TENM2: variants seen among roughly 807,000 people sequenced by gnomAD.
TENM2 encodes the protein teneurin-2.
In TENM2, 52 loss-of-function variants were observed where a neutral mutation model predicts 245.2. The ratio of observed to expected loss-of-function variants is 0.21; its 90% confidence interval spans 0.17 to 0.27. The LOEUF (loss-of-function observed/expected upper bound fraction) is 0.27, where lower values mean the gene tolerates loss of function less well. Ranked by LOEUF, TENM2 falls within the 10% of genes least tolerant of loss-of-function variation. TENM2 has a pLI of 1.00. For synonymous variants in TENM2, 1,363 were observed against 1,438.9 expected (o/e 0.95, Z 1.19); for missense variants, 3,046 against 3,666.8 (o/e 0.83, Z 4.37).
chr5:167,694,849 A>G (rs1383468398), intron 2 of TENM2, among the ~76,000 whole-genome samples: 1 of 152,212 alleles, frequency 6.6e-6, no homozygotes, highest in Non-Finnish European at 1.5e-5. Context: ...GCAGAAAAAA[A>G]AATTGTCATC....
intron 2 of TENM2, among the ~76,000 whole-genome samples, chr5:167,864,923 C>T (rs559207020): frequency 6.6e-6 from 1 of 152,294 alleles, no homozygotes; most frequent in South Asian, 2.1e-4. Context: ...AAGAAGTGAA[C>T]ATAAAAATGA....
intron 3 of TENM2, among the ~76,000 whole-genome samples, chr5:167,903,979 T>C (rs1156911138): frequency 6.6e-6 from 1 of 152,120 alleles, no homozygotes; most frequent in Non-Finnish European, 1.5e-5. Flanking sequence ...AGAATTGAAA[T>C]GGGGGACTAG....
At chr5:167,879,594 C>A (rs1327975583) in intron 3 of TENM2, among the ~76,000 whole-genome samples, 1 of 152,168 alleles carries the variant, frequency 6.6e-6, no homozygotes, top group Non-Finnish European at 1.5e-5. Flanking sequence ...TTGCTCTCAG[C>A]ATATGATGCA....
At chr5:167,487,175 G>T (rs1768126703) in intron 2 of TENM2, among the ~76,000 whole-genome samples, 1 of 152,150 alleles carries the variant, frequency 6.6e-6, no homozygotes, top group Non-Finnish European at 1.5e-5. Flanking sequence ...GTTATCTTTG[G>T]TTTGGGGCCT....
chr5:166,989,252 CTTTTTTTTTTTTTTTTTT>C, the TENM2 span, among the ~76,000 whole-genome samples: 1 of 56,960 alleles, frequency 1.8e-5, no homozygotes, highest in Non-Finnish European at 2.9e-5. Flanking sequence ...CCAAGCTAAT[CTTTTTTTTTTTTTTTTTT>C]TTTTTTTTGA....
chr5:166,993,473 T>C, the TENM2 span, among the ~76,000 whole-genome samples: 1 of 152,164 alleles, frequency 6.6e-6, no homozygotes, highest in Non-Finnish European at 1.5e-5. Flanking sequence ...TGAACAATTC[T>C]AGAGCCAGGA....
intron 12 of TENM2, among the ~76,000 whole-genome samples, chr5:168,154,068 C>A (rs143866094): frequency 6.9e-6 from 1 of 143,904 alleles, no homozygotes; most frequent in African/African-American, 2.6e-5. Context: ...GAGTAACTGA[C>A]GTGGGATTTC....
intron 2 of TENM2, among the ~76,000 whole-genome samples, chr5:167,417,048 C>A (rs1364886117): frequency 2.0e-5 from 3 of 152,106 alleles, no homozygotes; most frequent in Admixed American, 2.0e-4. Flanking sequence ...GTCTTAGGAT[C>A]TTATTTTATG....
chr5:167,929,061 G>GAAAGAAAGAAAGA (rs1778015952), intron 3 of TENM2, among the ~76,000 whole-genome samples: 7 of 6,260 alleles, frequency 1.1e-3, no homozygotes, highest in African/African-American at 2.4e-3. Context: ...AAGAAAGAGA[G>GAAAGAAAGAAAGA]AAAGAAAGAA....
chr5:168,088,593 G>C (rs941144336), intron 7 of TENM2, among the ~76,000 whole-genome samples: 1 of 152,146 alleles, frequency 6.6e-6, no homozygotes, highest in African/African-American at 2.4e-5. Context: ...TAATAAAATG[G>C]TTGTTATCTT....
At chr5:167,413,059 A>G (rs924313738) in intron 2 of TENM2, among the ~76,000 whole-genome samples, 8 of 152,108 alleles carry the variant, frequency 5.3e-5, no homozygotes, top group Non-Finnish European at 1.2e-4. Flanking sequence ...CTAGTTATCT[A>G]GAAACATTTT....
At chr5:167,927,856 C>A (rs1777882199) in intron 3 of TENM2, among the ~76,000 whole-genome samples, 1 of 152,218 alleles carries the variant, frequency 6.6e-6, no homozygotes, top group East Asian at 1.9e-4. Flanking sequence ...TGCCTGCCCA[C>A]CCTAACTCTA....
chr5:167,219,300 A>AAAAC, the TENM2 span, among the ~76,000 whole-genome samples: 831 of 150,650 alleles, frequency 5.5e-3, 3 homozygotes, highest in Admixed American at 9.0e-3. Flanking sequence ...ACCCAATTTC[A>AAAAC]AAACAAACAA....
At chr5:167,824,056 G>A (rs1378167186) in intron 2 of TENM2, among the ~76,000 whole-genome samples, 1 of 152,146 alleles carries the variant, frequency 6.6e-6, no homozygotes, top group African/African-American at 2.4e-5. Context: ...AACTGAGGAG[G>A]ACCCAGCAAA....
chr5:168,196,406 C>A (rs1408185588), intron 15 of TENM2, among the ~76,000 whole-genome samples: 1 of 152,188 alleles, frequency 6.6e-6, no homozygotes, highest in Non-Finnish European at 1.5e-5. Context: ...CAGATGTGTG[C>A]CTTGCAAAAT....
Position 168,252,004 on chromosome 5 carries a change from C to A in TENM2, c.7432+3633C>A, listed in dbSNP as rs375183764. ...CACTTACAGGCTGCAAAGCAGCACTCTTTTGAACAGTTACTTTTTAAGGTA... is the reference window on the plus strand; with the variant it reads ...CACTTACAGGCTGCAAAGCAGCACTATTTTGAACAGTTACTTTTTAAGGTA... On this transcript the variant is annotated intron_variant, in intron 27 of 28. Transcript: ENST00000518659. Among the ~76,000 whole-genome samples the A allele has an allele frequency of 1.4e-4, 22 of 152,308 alleles. No individual in the cohort carries two copies. In the East Asian group the frequency reaches 4.1e-3, roughly 28 times the overall value.
chr5:168,141,187 T>C (rs1755516041), intron 12 of TENM2, among the ~76,000 whole-genome samples: 1 of 152,150 alleles, frequency 6.6e-6, no homozygotes, highest in African/African-American at 2.4e-5. Context: ...TGTTGATCTT[T>C]TTCCCAGGAC....
chr5:168,012,036 C>T (rs1444751142), intron 5 of TENM2, among the ~76,000 whole-genome samples: 56 of 152,178 alleles, frequency 3.7e-4, no homozygotes, highest in Admixed American at 3.7e-3. Context: ...CTGCAAAGCT[C>T]ACGTTCTCAC....
intron 1 of TENM2, among the ~76,000 whole-genome samples, chr5:167,374,207 T>C (rs373687044): frequency 1.8e-4 from 28 of 152,350 alleles, no homozygotes; most frequent in South Asian, 1.0e-3. Context: ...GTATTTTTAG[T>C]GTATCTTTTC....
Sources: allele counts gnomAD v4.1 joint callset (sites outside exome capture counted in the v4.1 genomes callset), GRCh38; gene constraint gnomAD v4.1.1; transcripts MANE v1.5; gene names NCBI Gene and HGNC (gene_info 2026-07-23, HGNC 2026-07-21).